Variants in LRRC40 observed in about 807,000 individuals in gnomAD.
The protein encoded by LRRC40 is leucine rich repeat containing 40.
A neutral mutation model predicts 72.8 loss-of-function variants in LRRC40; 76 were observed. That is an observed-to-expected ratio of 1.04 (90% confidence interval 0.87 to 1.26). LRRC40 has a LOEUF of 1.26. Among genes scored for constraint, LRRC40 ranks in the 50% most tolerant of loss-of-function variants. The probability of loss-of-function intolerance (pLI) is 0.00; values close to 1 mark genes in which losing one functional copy is unlikely to be tolerated. For synonymous variants in LRRC40, 243 were observed against 254.2 expected (o/e 0.96, Z 0.42); for missense variants, 684 against 698.9 (o/e 0.98, Z 0.24).
At chr1:70,162,280 CA>C (rs548698493) in intron 9 of LRRC40, among the ~76,000 whole-genome samples, 15 of 143,128 alleles carry the variant, frequency 1.0e-4, no homozygotes, top group South Asian at 2.2e-4. Context: ...TGGGTGGCTA[CA>C]AAAAAAAAAG....
chr1:70,145,504 AAGTT>A lies in LRRC40; in HGVS notation c.*292_*295del, dbSNP rs1251187739. On this transcript the variant is annotated 3_prime_UTR_variant, in exon 15 of 15. Coordinates refer to ENST00000370952, the MANE Select transcript of LRRC40 (RefSeq NM_017768.5). ...AAAACTGCTTGCTATAAGAAAATGA[AAGTT>A]AGCAGGATAAATCATAAGCAAAACA... 8 of 189,648 alleles carry A rather than the reference AAGTT, an allele frequency of 4.2e-5. No individual in the cohort carries two copies. The highest frequency in any genetic ancestry group is 1.2e-4 in the East Asian group (1 of 8,074). 11.7% of individuals were successfully genotyped at this position (189,648 alleles called of 1,614,324 possible). A position where few individuals can be genotyped will look rare whatever the true frequency, so the allele number is the denominator to read the frequency against.
In LRRC40 at chr1:70,181,206, G is replaced by T; in HGVS notation, c.541C>A (p.Leu181Ile). 6.5e-7 allele frequency: 1 copy of T among 1,534,816 alleles called. No homozygotes were observed. Among genetic ancestry groups the T allele is most frequent in the Non-Finnish European group, 8.7e-7 (1 of 1,144,972 alleles). The part of the protein sequence containing the change: ...EQLSNLEDLD[L>I]SNNHLTTVPA... ...ACAGTTGTAAGATGATTGTTTGAAA[G>T]ATCCTTTAAAAAGAGAAAGACAAAA... The change falls in exon 5 of 15, where the codon CTT (leucine) becomes ATT (isoleucine). Residue 181 changes from leucine to isoleucine, a missense_variant. By Grantham distance (5) the Leu-to-Ile change is conservative (BLOSUM62 2). Transcript: ENST00000370952.
intron 1 of LRRC40, among the ~76,000 whole-genome samples, chr1:70,201,848 A>G (rs1004065157): frequency 1.3e-5 from 2 of 152,000 alleles, no homozygotes; most frequent in Non-Finnish European, 2.9e-5. Context: ...ATGACAGCAC[A>G]TCCCTGTAAT....
intron 1 of LRRC40, among the ~76,000 whole-genome samples, chr1:70,197,529 T>C (rs1393994522): frequency 1.3e-5 from 2 of 151,484 alleles, no homozygotes; most frequent in African/African-American, 2.4e-5. Flanking sequence ...TCCTCCCACC[T>C]TGGCCTCCCA....
chr1:70,178,763 A>T, intron 6 of LRRC40, 88 bp downstream of exon 6: 1 of 795,940 alleles, frequency 1.3e-6, no homozygotes, highest in Middle Eastern at 4.0e-4. Flanking sequence ...CACACTCCCA[A>T]TGTAAAACAA....
rs771987364 is a variant in LRRC40, at chr1:70,182,384, T to C, written c.538-1175A>G. Among the ~76,000 whole-genome samples, 5 of 152,076 alleles carry C rather than the reference T, an allele frequency of 3.3e-5. No homozygotes were observed. In the East Asian group the frequency reaches 7.7e-4, roughly 23 times the overall value. On this transcript the variant is annotated intron_variant, in intron 4 of 14. Coordinates refer to ENST00000370952, the MANE Select transcript of LRRC40 (RefSeq NM_017768.5). ...TGCAGTTTAATTAGTATTGTACCAA[T>C]GTGAACATCTGAGTGTTCCTGTGGT... is the stretch of plus-strand genomic sequence containing the variant.
intron 1 of LRRC40, among the ~76,000 whole-genome samples, chr1:70,190,971 A>G (rs142968308): frequency 1.6e-3 from 248 of 152,192 alleles, no homozygotes; most frequent in African/African-American, 5.8e-3. Flanking sequence ...TATCATCATC[A>G]TTGTTATTTT....
In LRRC40 at chr1:70,187,280, T is replaced by C. The variant is rs748898196; in HGVS notation, c.392A>G (p.Gln131Arg). 9 of 1,574,444 alleles carry C rather than the reference T, an allele frequency of 5.7e-6. No individual in the cohort carries two copies. The highest frequency in any genetic ancestry group is 1.1e-5 in the South Asian group (1 of 89,150). The change falls in exon 3 of 15, where the codon CAG (glutamine) becomes CGG (arginine). Residue 131 changes from glutamine to arginine, a missense_variant. By Grantham distance (43) the Gln-to-Arg change is conservative. Coordinates refer to ENST00000370952, the MANE Select transcript of LRRC40 (RefSeq NM_017768.5). ...TAATTTTTACCTGACATTAAGTTTC[T>C]GAAGATTTTCTAGCTCTCTTATAGC... The part of the protein sequence containing the change: ...PSAIRELENL[Q>R]KLNVSHNKLK...
At chr1:70,185,190 A>G (rs1488285967) in intron 3 of LRRC40, among the ~76,000 whole-genome samples, 1 of 152,236 alleles carries the variant, frequency 6.6e-6, no homozygotes, top group African/African-American at 2.4e-5. Context: ...CATGCTTATA[A>G]TCAACTCTTG....
intron 1 of LRRC40, among the ~76,000 whole-genome samples, chr1:70,201,243 A>G (rs1189063707): frequency 6.6e-6 from 1 of 152,228 alleles, no homozygotes; most frequent in Non-Finnish European, 1.5e-5. Flanking sequence ...GGGTAAAAAC[A>G]AAAGATAATA....
intron 9 of LRRC40, among the ~76,000 whole-genome samples, chr1:70,165,683 A>T (rs1027236988): frequency 1.5e-4 from 23 of 152,328 alleles, no homozygotes; most frequent in African/African-American, 4.1e-4. Context: ...GAAAAAAAAA[A>T]ATATGAAGCA....
chr1:70,181,754 C>T (rs530514969), intron 4 of LRRC40, among the ~76,000 whole-genome samples: 58 of 152,082 alleles, frequency 3.8e-4, no homozygotes, highest in African/African-American at 1.4e-3. Context: ...CTGATTGGTA[C>T]CAGAAGTCTA....
At chr1:70,182,717 T>C (rs1199311900) in intron 4 of LRRC40, among the ~76,000 whole-genome samples, 1 of 152,086 alleles carries the variant, frequency 6.6e-6, no homozygotes, top group East Asian at 1.9e-4. Flanking sequence ...GTCATTCCTT[T>C]AACAAATAAT....
intron 9 of LRRC40, among the ~76,000 whole-genome samples, chr1:70,162,196 T>C (rs907124080): frequency 1.3e-5 from 2 of 151,738 alleles, no homozygotes; most frequent in African/African-American, 4.8e-5. Context: ...AGGCTGGGGG[T>C]TGGAAGAACG....
intron 1 of LRRC40, among the ~76,000 whole-genome samples, chr1:70,189,789 T>G (rs530622042): frequency 3.8e-4 from 58 of 152,384 alleles, no homozygotes; most frequent in African/African-American, 1.4e-3. Context: ...GTGTTATTAT[T>G]CCCATTGGAT....
rs553829718 is a variant in LRRC40 at position 70,192,709 on chromosome 1, C to T, written c.152-3436G>A. Among the ~76,000 whole-genome samples the T allele has an allele frequency of 3.3e-5, 5 of 152,120 alleles. 1 individual carries two copies. Among genetic ancestry groups the T allele is most frequent in the Admixed American group, 3.3e-4 (5 of 15,266 alleles). On this transcript the variant is annotated intron_variant, in intron 1 of 14. Transcript: ENST00000370952. ...GGCTATTATCCTTAGCAAACTAACA[C>T]AGAAGAAAACAAAATACTGTATGTT...
chr1:70,175,554 T>C (rs1668084434), intron 7 of LRRC40, among the ~76,000 whole-genome samples: 1 of 152,112 alleles, frequency 6.6e-6, no homozygotes, highest in South Asian at 2.1e-4. Flanking sequence ...TTTACTCTAG[T>C]AAGAGTAATA....
rs149647627 is a variant in LRRC40, at chr1:70,200,302, C to T, written c.151+5088G>A. Reference sequence around the variant, plus strand: ...GCAATATAGCAAGACCCCATCTCTGCGAAAAATTTCAACATTAGCCGGGCA... The same window carrying T: ...GCAATATAGCAAGACCCCATCTCTGTGAAAAATTTCAACATTAGCCGGGCA... On this transcript the variant is annotated intron_variant, in intron 1 of 14. Transcript: ENST00000370952. Among the ~76,000 whole-genome samples, 664 of 152,016 alleles carry T rather than the reference C, an allele frequency of 4.4e-3. 4 individuals are homozygous for T. The highest frequency in any genetic ancestry group is 0.015 in the African/African-American group (617 of 41,462).
Position 70,201,528 on chromosome 1 carries a change from T to A in LRRC40, c.151+3862A>T, listed in dbSNP as rs576676071. 2.0e-5 allele frequency among the ~76,000 whole-genome samples: 3 copies of A among 152,126 alleles called. No individual in the cohort carries two copies. The East Asian group carries it at 5.8e-4, about 29-fold the overall frequency. ...AACAAGTGGCATAAAAAGACAACTA[T>A]GATCAACAACAAGGAAACGAGCCCA... On this transcript the variant is annotated intron_variant, in intron 1 of 14. Transcript: ENST00000370952.
Sources: gnomAD v4.1 joint callset for allele counts (sites outside exome capture counted in the v4.1 genomes callset) on GRCh38, gnomAD v4.1.1 for gene constraint, MANE v1.5 for transcripts, NCBI Gene and HGNC (gene_info 2026-07-23, HGNC 2026-07-21) for gene names.